OPA1: variants seen among roughly 807,000 people sequenced by gnomAD.
The protein encoded by OPA1 is OPA1 mitochondrial dynamin like GTPase.
OPA1 carries 59 observed loss-of-function variants against 152.9 expected under a neutral mutation model. The ratio of observed to expected loss-of-function variants is 0.39; its 90% CI spans 0.31 to 0.48. The LOEUF (loss-of-function observed/expected upper bound fraction) is 0.48. Ranked by LOEUF, OPA1 falls within the 20% of genes least tolerant of loss-of-function variation. The probability of loss-of-function intolerance (pLI) is 0.96; values close to 1 mark genes in which losing one functional copy is unlikely to be tolerated. For missense variants in OPA1, 1,008 were observed against 1,216.8 expected, an observed-to-expected ratio of 0.83 and a Z score of 2.55; for synonymous variants, 400 against 389.9, an observed-to-expected ratio of 1.03 and a Z score of -0.31.
intron 29 of OPA1, among the ~76,000 whole-genome samples, chr3:193,680,656 G>GA (rs941893564): frequency 1.3e-5 from 2 of 152,114 alleles, no homozygotes; most frequent in African/African-American, 4.8e-5. Flanking sequence ...CTAAATCAGG[G>GA]AAAAATACAA....
chr3:193,597,690 C>CAA lies in OPA1; in HGVS notation c.32+4299_32+4300dup, dbSNP rs75168011. Among the ~76,000 whole-genome samples the CAA allele has an allele frequency of 1.3e-3, 101 of 80,286 alleles. No individual in the cohort carries two copies. The East Asian group carries it at 0.014, about 11-fold the overall frequency. The allele number at this position is 80,286 out of a possible 152,430, so 52.7% of individuals were successfully genotyped here. On this transcript the variant is annotated intron_variant, in intron 1 of 30. Transcript: ENST00000361510. Reference sequence around the variant, plus strand: ...TGGGTGACAGAGCAAGACTCCGTTTCAAAAAAAAAAAAAAAAAAAGAAATG... The same window carrying CAA: ...TGGGTGACAGAGCAAGACTCCGTTTCAAAAAAAAAAAAAAAAAAAAAGAAATG...
chr3:193,635,287 A>G (rs1732760598), intron 8 of OPA1, 131 bp from the exon 9 acceptor site: 2 of 597,656 alleles, frequency 3.3e-6, no homozygotes, highest in African/African-American at 1.9e-5. Context: ...GTTTTCGTAG[A>G]TGCTTTTAAA....
intron 1 of OPA1, among the ~76,000 whole-genome samples, chr3:193,613,750 GT>G (rs1424762539): frequency 6.6e-6 from 1 of 151,976 alleles, no homozygotes. Context: ...GCTAATTTTT[GT>G]ATTTTTAGTA....
chr3:193,676,716 C>T (rs529693576), intron 29 of OPA1, among the ~76,000 whole-genome samples: 2 of 152,242 alleles, frequency 1.3e-5, no homozygotes, highest in South Asian at 2.1e-4. Flanking sequence ...TGTGGTGGCT[C>T]ACGCCTGTAA....
chr3:193,606,213 A>C (rs1278824889), intron 1 of OPA1, among the ~76,000 whole-genome samples: 2 of 152,140 alleles, frequency 1.3e-5, no homozygotes, highest in East Asian at 3.9e-4. Context: ...GGACCTCTTG[A>C]TTTGATTTTT....
At chr3:193,609,786 T>G in intron 1 of OPA1, among the ~76,000 whole-genome samples, 1 of 152,218 alleles carries the variant, frequency 6.6e-6, no homozygotes. Context: ...ATTTCATTGA[T>G]TTGATCTTCC....
At position 193,617,809 on chromosome 3, in the gene OPA1, A is replaced by C; in HGVS notation, c.582A>C (p.Ile194=). The change falls in exon 5 of 31, where the codon ATA becomes ATC. Residue 194 remains isoleucine (I), a synonymous_variant. Coordinates refer to ENST00000361510, the MANE Select transcript of OPA1 (RefSeq NM_130837.3). ...GTCACAAATTGGTTAGTGAAGTCAT[A>C]GGAGCTTCTGACCTACTTCTCTTGT... ...TSGHKLVSEV[I]GASDLLLLLG... is the part of the protein sequence containing the mutation. 1.9e-6 allele frequency: 3 copies of C among 1,613,020 alleles called. No individual in the cohort carries two copies. Among genetic ancestry groups the C allele is most frequent in the Non-Finnish European group, 2.5e-6 (3 of 1,179,192 alleles).
At chr3:193,634,577 C>T (rs1732645071) in intron 8 of OPA1, among the ~76,000 whole-genome samples, 1 of 152,004 alleles carries the variant, frequency 6.6e-6, no homozygotes, top group Non-Finnish European at 1.5e-5. Context: ...GCCACGACGC[C>T]TGGCTAATTT....
chr3:193,598,065 A>C (rs1294537395), intron 1 of OPA1, among the ~76,000 whole-genome samples: 1 of 152,244 alleles, frequency 6.6e-6, no homozygotes, highest in Non-Finnish European at 1.5e-5. Context: ...TGGGCAACAG[A>C]GCAAGACTTC....
intron 8 of OPA1, among the ~76,000 whole-genome samples, chr3:193,633,782 C>T (rs1184624392): frequency 1.3e-5 from 2 of 152,172 alleles, no homozygotes; most frequent in African/African-American, 2.4e-5. Context: ...TTCAGGCCAG[C>T]CACATTTCAG....
At chr3:193,629,551 T>A (rs1180600538) in intron 7 of OPA1, among the ~76,000 whole-genome samples, 1 of 151,742 alleles carries the variant, frequency 6.6e-6, no homozygotes, top group East Asian at 2.0e-4. Context: ...ACAAAAAAAA[T>A]TAGCTGGGTG....
At chr3:193,667,453 A>C in intron 29 of OPA1, 173 bp downstream of exon 29, 1 of 649,844 alleles carries the variant, frequency 1.5e-6, no homozygotes, top group Non-Finnish European at 2.9e-6. Context: ...GGTGGAAAAC[A>C]AGGTCAGAAG....
intron 29 of OPA1, among the ~76,000 whole-genome samples, chr3:193,679,961 C>T (rs1344765882): frequency 6.6e-6 from 1 of 152,140 alleles, no homozygotes; most frequent in Non-Finnish European, 1.5e-5. Context: ...TGATAAACAG[C>T]ACCTCTGTAA....
intron 29 of OPA1, among the ~76,000 whole-genome samples, chr3:193,676,739 A>G (rs187097720): frequency 1.0e-3 from 155 of 152,194 alleles, no homozygotes; most frequent in South Asian, 4.1e-3. Flanking sequence ...CCAGCACTTT[A>G]GGAGGCCAAG....
rs139298676 is a variant in OPA1 at position 193,635,083 on chromosome 3, A to G, written c.844-335A>G. On this transcript the variant is annotated intron_variant, in intron 8 of 30. Transcript: ENST00000361510. ...ATGTGAAGACTTAAAATTTTGATATAATAGGAAATACTCCCTTCTAGAATG... is the reference window on the plus strand; with the variant it reads ...ATGTGAAGACTTAAAATTTTGATATGATAGGAAATACTCCCTTCTAGAATG... 1.4e-3 allele frequency among the ~76,000 whole-genome samples: 208 copies of G among 152,296 alleles called. 1 individual carries two copies. Among genetic ancestry groups the G allele is most frequent in the South Asian group, 0.011 (55 of 4,822 alleles).
At chr3:193,655,286 A>G (rs1713522999) in intron 22 of OPA1, among the ~76,000 whole-genome samples, 1 of 152,152 alleles carries the variant, frequency 6.6e-6, no homozygotes, top group Admixed American at 6.5e-5. Flanking sequence ...TTAACAAGCA[A>G]ATTTTGCTTG....
At chr3:193,631,136 CA>C (rs1345270658) in intron 7 of OPA1, among the ~76,000 whole-genome samples, 3 of 152,132 alleles carry the variant, frequency 2.0e-5, no homozygotes, top group African/African-American at 7.2e-5. Context: ...GGATACAATA[CA>C]AAAATATTTC....
intron 20 of OPA1, 143 bp downstream of exon 20, chr3:193,648,277 G>C (rs752101423): frequency 1.4e-5 from 9 of 635,462 alleles, no homozygotes; most frequent in Non-Finnish European, 2.6e-5. Context: ...TACATCTCTA[G>C]GAGCAGTTAT....
chr3:193,694,332 G>A (rs927126864), intron 30 of OPA1, among the ~76,000 whole-genome samples: 2 of 152,130 alleles, frequency 1.3e-5, no homozygotes, highest in Non-Finnish European at 2.9e-5. Context: ...CTAATTAATT[G>A]TTATTCTAAT....
Sources: allele counts gnomAD v4.1 joint callset (sites outside exome capture counted in the v4.1 genomes callset), GRCh38; gene constraint gnomAD v4.1.1; transcripts MANE v1.5; gene names NCBI Gene and HGNC (gene_info 2026-07-23, HGNC 2026-07-21).